C2CD3: variants seen among roughly 807,000 people sequenced by gnomAD.
C2CD3 encodes the protein C2 domain-containing protein 3.
A neutral mutation model predicts 234.0 loss-of-function variants in C2CD3; 148 were observed. The ratio of observed to expected loss-of-function variants is 0.63; its 90% CI spans 0.55 to 0.72. The LOEUF is 0.72. Among genes scored for constraint, C2CD3 ranks in the 30% least tolerant of loss-of-function variants. The pLI is 0.00. For synonymous variants in C2CD3, 1,000 were observed against 1,035.4 expected, an observed-to-expected ratio of 0.97 and a Z score of 0.66; for missense variants, 2,577 against 2,811.5, an observed-to-expected ratio of 0.92 and a Z score of 1.89.
chr11:74,059,517 G>A (rs1006924553), intron 24 of C2CD3, among the ~76,000 whole-genome samples: 3 of 150,006 alleles, frequency 2.0e-5, no homozygotes, highest in Non-Finnish European at 2.9e-5. Flanking sequence ...TCTCTATCTC[G>A]CTGCTCCTTT....
intron 12 of C2CD3, among the ~76,000 whole-genome samples, chr11:74,107,153 T>A (rs1394713655): frequency 6.6e-6 from 1 of 151,834 alleles, no homozygotes; most frequent in Non-Finnish European, 1.5e-5. Flanking sequence ...GAAACCCCCG[T>A]CTCTACTAAA....
In C2CD3 at chr11:74,093,002, C is replaced by T. The variant is rs1955956716; in HGVS notation, c.3345-414G>A. ...CTGTCAGTACCTACTCTATTTCCTTCTTATGTCAAAACAATCCATTCTTAG... is the reference window on the plus strand; with the variant it reads ...CTGTCAGTACCTACTCTATTTCCTTTTTATGTCAAAACAATCCATTCTTAG... On this transcript the variant is annotated intron_variant, in intron 18 of 32. Transcript: ENST00000334126. 2.0e-5 allele frequency among the ~76,000 whole-genome samples: 3 copies of T among 152,278 alleles called. No individual in the cohort carries two copies. In the South Asian group the frequency reaches 6.2e-4, roughly 32 times the overall value.
chr11:74,035,694 G>A (rs1164998523), intron 30 of C2CD3, among the ~76,000 whole-genome samples: 1 of 151,798 alleles, frequency 6.6e-6, no homozygotes, highest in African/African-American at 2.4e-5. Flanking sequence ...ATGGAGGCAG[G>A]GGCAGGCTTT....
chr11:74,133,032 A>G (rs1957731647), intron 6 of C2CD3, 60 bp from the exon 7 acceptor site: 2 of 1,536,366 alleles, frequency 1.3e-6, no homozygotes, highest in Non-Finnish European at 1.8e-6. Flanking sequence ...AATCTAAATC[A>G]TAATCACTTC....
chr11:74,032,714 A>G (rs1952573007), intron 31 of C2CD3, among the ~76,000 whole-genome samples: 1 of 152,062 alleles, frequency 6.6e-6, no homozygotes, highest in Non-Finnish European at 1.5e-5. Context: ...TCTTAAAAAA[A>G]ATTAGCTGGG....
intron 7 of C2CD3, 125 bp from the exon 8 acceptor site, chr11:74,123,260 T>A: frequency 3.0e-6 from 2 of 671,108 alleles, no homozygotes; most frequent in Non-Finnish European, 2.5e-6. Context: ...AAGACTCACA[T>A]TAAACAAAAG....
At chr11:74,134,332 T>C (rs1489533342) in intron 5 of C2CD3, among the ~76,000 whole-genome samples, 1 of 152,216 alleles carries the variant, frequency 6.6e-6, no homozygotes, top group Admixed American at 6.5e-5. Context: ...CTTAGGCTTC[T>C]TTTTAAAAGC....
rs1485956552 is a variant in C2CD3 at position 74,033,751 on chromosome 11, C to T, written c.6409G>A (p.Val2137Ile). The T allele has an allele frequency of 2.6e-6, 4 of 1,536,336 alleles. No homozygotes were observed. In the African/African-American group the frequency reaches 4.1e-5, roughly 16 times the overall value. ...SSFLSSPERAVNPHLPRQGSP... is the reference protein window; with the variant it reads ...SSFLSSPERAINPHLPRQGSP... Reference sequence around the variant, plus strand: ...CCCTGCCTAGGCAGGTGGGGGTTGACAGCCCTTTCTGGGCTGGAGAGAAAG... The same window carrying T: ...CCCTGCCTAGGCAGGTGGGGGTTGATAGCCCTTTCTGGGCTGGAGAGAAAG... Residue 2137 changes from valine to isoleucine, a missense_variant, in exon 31 of 33, where the codon GTC becomes ATC. Transcript: ENST00000334126.
chr11:74,135,972 G>C (rs1235410452), intron 5 of C2CD3, among the ~76,000 whole-genome samples: 1 of 152,094 alleles, frequency 6.6e-6, no homozygotes, highest in Non-Finnish European at 1.5e-5. Flanking sequence ...TACTAGAGGG[G>C]TAAGGAAGAT....
chr11:74,085,760 A>G lies in C2CD3; in HGVS notation c.3768T>C (p.Ser1256=), dbSNP rs1007133040. 2 of 1,614,210 alleles carry G rather than the reference A, an allele frequency of 1.2e-6. No individual in the cohort carries two copies. Among genetic ancestry groups the G allele is most frequent in the East Asian group, 2.2e-5 (1 of 44,876 alleles). ...CGTGATGGGAGAACTCAGGGCAGAAAGAACAGGCCACAGGGTGGGTTCGGC... is the reference window on the plus strand; with the variant it reads ...CGTGATGGGAGAACTCAGGGCAGAAGGAACAGGCCACAGGGTGGGTTCGGC... The part of the protein sequence containing the change: ...EQRRTHPVAC[S]FCPEFSHHVE... The change falls in exon 21 of 33, where the codon TCT becomes TCC. Residue 1256 remains serine (S), a synonymous_variant. Transcript: ENST00000334126.
intron 7 of C2CD3, 73 bp downstream of exon 7, chr11:74,132,771 G>T: frequency 7.0e-7 from 1 of 1,428,710 alleles, no homozygotes; most frequent in Non-Finnish European, 9.7e-7. Flanking sequence ...TTAGGAAGAT[G>T]AATCTGATAA....
At chr11:74,039,594 T>G (rs1439575513) in intron 29 of C2CD3, among the ~76,000 whole-genome samples, 2 of 152,104 alleles carry the variant, frequency 1.3e-5, no homozygotes, top group African/African-American at 4.8e-5. Flanking sequence ...TACACTAAAT[T>G]TTGCGAACTA....
chr11:74,123,252 G>C (rs1234873029), intron 7 of C2CD3, 117 bp from the exon 8 acceptor site: 6 of 696,652 alleles, frequency 8.6e-6, no homozygotes, highest in South Asian at 2.0e-5. Context: ...TTAAACAAAA[G>C]ACTCACATTA....
At chr11:74,136,832 G>A (rs1957880298) in intron 5 of C2CD3, among the ~76,000 whole-genome samples, 1 of 151,964 alleles carries the variant, frequency 6.6e-6, no homozygotes, top group Non-Finnish European at 1.5e-5. Context: ...ATAGCATTAG[G>A]AGAAATACCT....
At chr11:74,072,426 A>C (rs149483333) in intron 24 of C2CD3, among the ~76,000 whole-genome samples, 13 of 152,338 alleles carry the variant, frequency 8.5e-5, no homozygotes, top group African/African-American at 3.1e-4. Flanking sequence ...AGTTTGAGAG[A>C]CACCAAAACA....
At chr11:74,133,690 T>C in intron 5 of C2CD3, 133 bp from the exon 6 acceptor site, 1 of 835,584 alleles carries the variant, frequency 1.2e-6, no homozygotes, top group Non-Finnish European at 1.9e-6. Context: ...CCTTCCCCAT[T>C]AGCTTGAGAA....
At chr11:74,153,184 G>A (rs116102493) in intron 3 of C2CD3, among the ~76,000 whole-genome samples, 1 of 151,694 alleles carries the variant, frequency 6.6e-6, no homozygotes, top group East Asian at 1.9e-4. Flanking sequence ...TGCCAGCCTG[G>A]GTGACAGAGT....
chr11:74,049,142 A>C (rs969171347), intron 27 of C2CD3, among the ~76,000 whole-genome samples, 195 bp downstream of exon 27: 28 of 152,216 alleles, frequency 1.8e-4, no homozygotes, highest in African/African-American at 6.8e-4. Context: ...TTTTCAGTGT[A>C]TTCAAAGTTG....
At position 74,037,712 on chromosome 11, in the gene C2CD3, G is replaced by A; in HGVS notation, c.5661-14C>T. 2 of 1,596,550 alleles carry A rather than the reference G, an allele frequency of 1.3e-6. No homozygotes were observed. The highest frequency in any genetic ancestry group is 1.7e-6 in the Non-Finnish European group (2 of 1,166,402). On this transcript the variant is annotated splice_polypyrimidine_tract_variant and intron_variant, in intron 29 of 32. Transcript: ENST00000334126. Reference sequence around the variant, plus strand: ...CTCAGATTCTTCCTATAAACAAAAGGGGGAGAAGAAGACAAAGGGGTAATT... The same window carrying A: ...CTCAGATTCTTCCTATAAACAAAAGAGGGAGAAGAAGACAAAGGGGTAATT...
Sources: allele counts gnomAD v4.1 joint callset (sites outside exome capture counted in the v4.1 genomes callset), GRCh38; gene constraint gnomAD v4.1.1; transcripts MANE v1.5; gene names NCBI Gene and HGNC (gene_info 2026-07-23, HGNC 2026-07-21).